WDR33: variants seen among roughly 807,000 people sequenced by gnomAD.
WDR33 encodes the protein pre-mRNA 3' end processing protein WDR33.
WDR33 carries 47 observed loss-of-function variants against 164.9 expected under a neutral mutation model. The observed-to-expected ratio is 0.29, with a 90% CI of 0.23 to 0.36. WDR33 has a LOEUF of 0.36. Among genes scored for constraint, WDR33 ranks in the 10% least tolerant of loss-of-function variants. WDR33 has a pLI of 1.00. For synonymous variants in WDR33, 505 were observed against 589.0 expected (o/e 0.86, Z 2.06); for missense variants, 1,137 against 1,754.1 (o/e 0.65, Z 6.28).
rs1686430267 is a variant in WDR33, at chr2:127,721,212, A to G, written c.1671+624T>C. ...AACTTCTGCCTCTGGAGTTCAAGCC[A>G]TTTTCCTGCCTCAGCCGCCCATGTC... On this transcript the variant is annotated intron_variant, in intron 15 of 21. Coordinates refer to ENST00000322313, the MANE Select transcript of WDR33 (RefSeq NM_018383.5). This position sits in a 1 kb window ranked among gnomAD's most constrained non-coding sequence, Gnocchi z 4.9. Among the ~76,000 whole-genome samples, 1 of 152,142 alleles carries G rather than the reference A, an allele frequency of 6.6e-6. No individual in the cohort carries two copies. The highest frequency in any genetic ancestry group is 2.4e-5 in the African/African-American group (1 of 41,504).
intron 1 of WDR33, among the ~76,000 whole-genome samples, chr2:127,771,313 C>G (rs1275389729): frequency 2.0e-5 from 3 of 152,170 alleles, no homozygotes; most frequent in African/African-American, 7.2e-5. Flanking sequence ...CAAACCTGCA[C>G]AGCATGTTAC....
In WDR33 at chr2:127,792,767, TAAATTAGC is replaced by T. The variant is rs566401874; in HGVS notation, c.-24+18237_-24+18244del. Among the ~76,000 whole-genome samples, 538 of 152,310 alleles carry T rather than the reference TAAATTAGC, an allele frequency of 3.5e-3. 2 individuals are homozygous for T. The highest frequency in any genetic ancestry group is 0.01 in the South Asian group (50 of 4,828). On this transcript the variant is annotated intron_variant, in intron 1 of 21. Coordinates refer to ENST00000322313, the MANE Select transcript of WDR33 (RefSeq NM_018383.5). ...AAACTTTCCAAATTTGATTATTAGG[TAAATTAGC>T]AAATTAGGTAAATGATCAAGCTATA...
rs1685887060 is a variant in WDR33, at chr2:127,701,727, T to C, written c.*4596A>G. On this transcript the variant is annotated 3_prime_UTR_variant, in exon 22 of 22. Coordinates refer to ENST00000322313, the MANE Select transcript of WDR33 (RefSeq NM_018383.5). ...GGAGTCGGCAGCGGCCGGCCTGACG[T>C]GCCTCCCGAGCGTGACGCGCGGGCA... The C allele has an allele frequency of 1.2e-5, 16 of 1,382,958 alleles. No homozygotes were observed. The highest frequency in any genetic ancestry group is 1.5e-5 in the Non-Finnish European group (16 of 1,069,138). 85.7% of individuals were successfully genotyped at this position (1,382,958 alleles called of 1,614,324 possible).
intron 1 of WDR33, among the ~76,000 whole-genome samples, chr2:127,796,035 G>A (rs1370654883): frequency 2.0e-5 from 3 of 151,608 alleles, no homozygotes; most frequent in Non-Finnish European, 4.4e-5. Flanking sequence ...GGTAAATTAG[G>A]TAAATAGAAC....
chr2:127,728,767 G>T (rs911044675), intron 7 of WDR33, among the ~76,000 whole-genome samples: 5 of 151,906 alleles, frequency 3.3e-5, no homozygotes, highest in African/African-American at 9.7e-5. Flanking sequence ...ATCAAATTTG[G>T]GATTATGAGA....
At chr2:127,747,020 C>T (rs1687186314) in intron 7 of WDR33, among the ~76,000 whole-genome samples, 1 of 152,154 alleles carries the variant, frequency 6.6e-6, no homozygotes, top group African/African-American at 2.4e-5. Context: ...ATGATCAAAA[C>T]CAGTGAATTT....
At position 127,719,357 on chromosome 2, in the gene WDR33, C is replaced by A; in HGVS notation, c.2668G>T (p.Ala890Ser). ...CCTTGAGATGGATGTGGCCCTCTTG[C>A]TGGGTTCTGCTGTCCCTGAGGTCCG... ...PPGPQGQQNP[A>S]RGPHPSQGPI... Residue 890 changes from alanine (A) to serine (S), a missense_variant, in exon 16 of 22, where the codon GCA (alanine) becomes TCA (serine). Ala to Ser is a moderately conservative substitution (Grantham distance 99, BLOSUM62 1). Around this residue, in one of 9 missense-constraint regions of WDR33, gnomAD observed 867 missense variants for 1,073.0 expected, o/e 0.81. Transcript: ENST00000322313. The surrounding 1 kb of genome is among the most constrained non-coding windows in gnomAD (Gnocchi z 6.5). 6.6e-7 allele frequency: 1 copy of A among 1,509,628 alleles called. No homozygotes were observed. The highest frequency in any genetic ancestry group is 8.8e-7 in the Non-Finnish European group (1 of 1,130,272). 93.5% of individuals were successfully genotyped at this position (1,509,628 alleles called of 1,614,324 possible). A position where few individuals can be genotyped will look rare whatever the true frequency, so the allele number is the denominator to read the frequency against.
chr2:127,720,034 C>A lies in WDR33; in HGVS notation c.1991G>T (p.Gly664Val). ...GPQGPQGPPQ[G>V]LPRPQDMHGP... ...ATGCATGTCCTGAGGCCGTGGCAAC[C>A]CCTGGGGCGGGCCCTGGGGCCCCTG... The change falls in exon 16 of 22, where the codon GGG becomes GTG. Residue 664 changes from glycine (G) to valine (V), a missense_variant. Physicochemically the swap from Gly to Val is moderately radical, Grantham distance 109 (BLOSUM62 -3). Coordinates refer to ENST00000322313, the MANE Select transcript of WDR33 (RefSeq NM_018383.5). This position sits in a 1 kb window ranked among gnomAD's most constrained non-coding sequence, Gnocchi z 5.9. 4.3e-6 allele frequency: 7 copies of A among 1,613,790 alleles called. No individual in the cohort carries two copies. Among genetic ancestry groups the A allele is most frequent in the Non-Finnish European group, 5.1e-6 (6 of 1,179,910 alleles).
chr2:127,752,759 GGA>G (rs1687409912), intron 7 of WDR33, among the ~76,000 whole-genome samples: 2 of 152,146 alleles, frequency 1.3e-5, no homozygotes, highest in Non-Finnish European at 2.9e-5. Flanking sequence ...AAGATAACTA[GGA>G]AAATGTTGGA....
At position 127,710,472 on chromosome 2, in the gene WDR33, G is replaced by A. The variant is rs1034075594; in HGVS notation, c.3309-616C>T. Among the ~76,000 whole-genome samples, 12 of 152,026 alleles carry A rather than the reference G, an allele frequency of 7.9e-5. No individual in the cohort carries two copies. Among genetic ancestry groups the A allele is most frequent in the African/African-American group, 2.7e-4 (11 of 41,386 alleles). ...CCCAGGGGCAGGCCTCCATGACCACGAGTGGCACTCATGGCCCGAGTCCAC... is the reference window on the plus strand; with the variant it reads ...CCCAGGGGCAGGCCTCCATGACCACAAGTGGCACTCATGGCCCGAGTCCAC... On this transcript the variant is annotated intron_variant, in intron 18 of 21. Coordinates refer to ENST00000322313, the MANE Select transcript of WDR33 (RefSeq NM_018383.5). This position sits in a 1 kb window ranked among gnomAD's most constrained non-coding sequence, Gnocchi z 4.4.
At chr2:127,762,566 G>T in intron 7 of WDR33, 1 of 981,320 alleles carries the variant, frequency 1.0e-6, no homozygotes, top group Non-Finnish European at 1.2e-6. Context: ...AATGCCACCC[G>T]AACTTAGTAA....
intron 7 of WDR33, among the ~76,000 whole-genome samples, chr2:127,734,984 T>C (rs968514505): frequency 6.6e-6 from 1 of 152,198 alleles, no homozygotes; most frequent in Non-Finnish European, 1.5e-5. Context: ...AAATGCAGAC[T>C]CCTTAATAAA....
chr2:127,715,088 CT>C (rs386391178), intron 17 of WDR33, among the ~76,000 whole-genome samples: 5,543 of 108,610 alleles, frequency 0.051, 81 homozygotes, highest in South Asian at 0.13. Flanking sequence ...TTCTTTGTTT[CT>C]TTTTTTTTTT....
chr2:127,701,916 G>A lies in WDR33; in HGVS notation c.*4407C>T. 6.9e-7 allele frequency: 1 copy of A among 1,446,630 alleles called. No individual in the cohort carries two copies. Among genetic ancestry groups the A allele is most frequent in the Non-Finnish European group, 9.0e-7 (1 of 1,106,096 alleles). The allele number at this position is 1,446,630 out of a possible 1,614,324, so 89.6% of individuals were successfully genotyped here. ...GGGAAGCGCGCTGCTGCGGGGCGGC[G>A]CGGCGTGCGGACGCCTGCTGCGCTG... is the stretch of plus-strand genomic sequence containing the variant. On this transcript the variant is annotated 3_prime_UTR_variant, in exon 22 of 22. Coordinates refer to ENST00000322313, the MANE Select transcript of WDR33 (RefSeq NM_018383.5).
chr2:127,718,167 G>C lies in WDR33; in HGVS notation c.2761-904C>G, dbSNP rs1300197766. On this transcript the variant is annotated intron_variant, in intron 16 of 21. Transcript: ENST00000322313. The surrounding 1 kb of genome is among the most constrained non-coding windows in gnomAD (Gnocchi z 4.4). ...CTGGAAGACCTACTTTAGAATAGTA[G>C]ATAATTTATTTGTTTTAGCTTAGTA... 6.6e-6 allele frequency among the ~76,000 whole-genome samples: 1 copy of C among 152,124 alleles called. No homozygotes were observed. Among genetic ancestry groups the C allele is most frequent in the African/African-American group, 2.4e-5 (1 of 41,424 alleles).
At chr2:127,773,021 A>G (rs142822143) in intron 1 of WDR33, among the ~76,000 whole-genome samples, 44 of 152,148 alleles carry the variant, frequency 2.9e-4, no homozygotes, top group African/African-American at 9.9e-4. Context: ...CTGTAGTCCC[A>G]ACTACTCAGG....
At position 127,762,560 on chromosome 2, in the gene WDR33, CCA is replaced by C. The variant is rs1452503418; in HGVS notation, c.724+500_724+501del. The C allele has an allele frequency of 7.1e-6, 7 of 981,258 alleles. No homozygotes were observed. In the African/African-American group the frequency reaches 1.3e-4, roughly 18 times the overall value. The allele number at this position is 981,258 out of a possible 1,614,324, so 60.8% of individuals were successfully genotyped here. ...CAACAAAAGTAAACAAGCAGCAATG[CCA>C]CCCGAACTTAGTAACAAGCCGGCCA... On this transcript the variant is annotated intron_variant, in intron 7 of 21. Coordinates refer to ENST00000322313, the MANE Select transcript of WDR33 (RefSeq NM_018383.5).
chr2:127,805,451 T>C (rs1382397575), intron 1 of WDR33, among the ~76,000 whole-genome samples: 1 of 151,858 alleles, frequency 6.6e-6, no homozygotes, highest in Non-Finnish European at 1.5e-5. Flanking sequence ...TAACTTCTAG[T>C]TTACAGGAAA....
At position 127,709,033 on chromosome 2, in the gene WDR33, A is replaced by T. The variant is rs1430853508; in HGVS notation, c.3566-141T>A. ...CCCGCCAGAGGCCAAAGGGTAAGCC[A>T]CCCAGACATCAGGGTGCCTCCTCAT... On this transcript the variant is annotated intron_variant, in intron 20 of 21. Coordinates refer to ENST00000322313, the MANE Select transcript of WDR33 (RefSeq NM_018383.5). This position sits in a 1 kb window ranked among gnomAD's most constrained non-coding sequence, Gnocchi z 5.0. 5 of 852,586 alleles carry T rather than the reference A, an allele frequency of 5.9e-6. No individual in the cohort carries two copies. The highest frequency in any genetic ancestry group is 8.4e-6 in the Non-Finnish European group (5 of 591,790). 52.8% of individuals were successfully genotyped at this position (852,586 alleles called of 1,614,324 possible).
Sources: allele counts gnomAD v4.1 joint callset (sites outside exome capture counted in the v4.1 genomes callset), GRCh38; gene constraint gnomAD v4.1.1; regional missense constraint gnomAD v4.1.1; non-coding constraint Gnocchi (gnomAD v3.1); transcripts MANE v1.5; gene names NCBI Gene and HGNC (gene_info 2026-07-23, HGNC 2026-07-21).